SESN1: variants seen among roughly 807,000 people sequenced by gnomAD.
The protein encoded by SESN1 is sestrin 1, also known as sestrin-1.
A neutral mutation model predicts 59.3 loss-of-function variants in SESN1; 30 were observed. The observed-to-expected ratio is 0.51, with a 90% CI of 0.38 to 0.69. The LOEUF is 0.69. SESN1 is among the 30% of genes least tolerant of loss of function. The probability of loss-of-function intolerance (pLI) is 0.00; values close to 1 mark genes in which losing one functional copy is unlikely to be tolerated. For synonymous variants in SESN1, 197 were observed against 219.9 expected (o/e 0.90, Z 0.92); for missense variants, 566 against 673.0 (o/e 0.84, Z 1.76).
chr6:109,008,854 C>T (rs1384292679), intron 1 of SESN1: 2 of 985,620 alleles, frequency 2.0e-6, no homozygotes, highest in Non-Finnish European at 2.4e-6. Context: ...CAGGCAACAT[C>T]ATCTCTTCCC....
chr6:109,046,240 C>T (rs966054838), intron 1 of SESN1, among the ~76,000 whole-genome samples: 2 of 149,766 alleles, frequency 1.3e-5, no homozygotes, highest in African/African-American at 2.4e-5. Context: ...ATTGCAGGCA[C>T]GCGCCGCCAC....
Position 108,987,092 on chromosome 6 carries a change from T to G in SESN1, c.*452A>C, listed in dbSNP as rs9374061. The G allele has an allele frequency of 1.3e-5, 2 of 153,928 alleles. No individual in the cohort carries two copies. Among genetic ancestry groups the G allele is most frequent in the East Asian group, 3.8e-4 (2 of 5,232 alleles). The allele number at this position is 153,928 out of a possible 1,614,324, so 9.5% of individuals were successfully genotyped here. On this transcript the variant is annotated 3_prime_UTR_variant, in exon 10 of 10. Transcript: ENST00000436639. ...TAGCAATGTTCACTTTTATTACTAA[T>G]AGCTTAACTGAAACAGCCATCTATT... is the stretch of plus-strand genomic sequence containing the variant.
intron 1 of SESN1, among the ~76,000 whole-genome samples, chr6:109,072,693 A>G (rs1780958610): frequency 6.6e-6 from 1 of 152,232 alleles, no homozygotes; most frequent in Non-Finnish European, 1.5e-5. Flanking sequence ...TAATTATACA[A>G]TGACTGAACC....
intron 1 of SESN1, among the ~76,000 whole-genome samples, chr6:109,041,443 G>T (rs893886934): frequency 9.2e-5 from 14 of 152,046 alleles, no homozygotes; most frequent in Non-Finnish European, 1.9e-4. Context: ...CCACTAACAA[G>T]TAACTATTAA....
intron 1 of SESN1, among the ~76,000 whole-genome samples, chr6:109,057,683 T>C (rs1277476345): frequency 6.6e-6 from 1 of 152,232 alleles, no homozygotes; most frequent in Non-Finnish European, 1.5e-5. Context: ...TCCTAGTATT[T>C]AAAGGCAGTG....
chr6:109,049,200 T>TA lies in SESN1; in HGVS notation c.279+44594dup, dbSNP rs528005562. Reference sequence around the variant, plus strand: ...CACACAATGGAATACTACTCAGCCATAAAAAAGAAGGAATCCTGTCATTTA... The same window carrying TA: ...CACACAATGGAATACTACTCAGCCATAAAAAAAGAAGGAATCCTGTCATTTA... On this transcript the variant is annotated intron_variant, in intron 1 of 9. Transcript: ENST00000436639. Among the ~76,000 whole-genome samples, 32 of 152,064 alleles carry TA rather than the reference T, an allele frequency of 2.1e-4. No homozygotes were observed. In the East Asian group the frequency reaches 3.5e-3, roughly 17 times the overall value.
At chr6:109,008,982 T>C in intron 1 of SESN1, 1 of 1,011,228 alleles carries the variant, frequency 9.9e-7, no homozygotes, top group Non-Finnish European at 1.2e-6. Context: ...ATCCACAGGC[T>C]GTTTCACCCT....
At chr6:109,032,843 C>A (rs1448565346) in intron 1 of SESN1, among the ~76,000 whole-genome samples, 1 of 151,980 alleles carries the variant, frequency 6.6e-6, no homozygotes, top group Non-Finnish European at 1.5e-5. Flanking sequence ...TGCTTGAGGA[C>A]AATAGGCTGT....
chr6:109,023,275 C>T (rs1780039217), intron 1 of SESN1, among the ~76,000 whole-genome samples: 2 of 152,170 alleles, frequency 1.3e-5, no homozygotes, highest in African/African-American at 4.8e-5. Context: ...TGAAAACATT[C>T]TTCTCTCAGA....
At chr6:109,047,523 G>C (rs1365503932) in intron 1 of SESN1, among the ~76,000 whole-genome samples, 1 of 129,700 alleles carries the variant, frequency 7.7e-6, no homozygotes, top group South Asian at 3.0e-4. Context: ...GGTGAGGGGC[G>C]CCTCTGCCCG....
intron 1 of SESN1, among the ~76,000 whole-genome samples, chr6:109,029,954 C>A (rs1011508848): frequency 6.6e-6 from 1 of 152,198 alleles, no homozygotes; most frequent in African/African-American, 2.4e-5. Context: ...GGTTCTTAGA[C>A]ATTATTAACA....
chr6:109,051,103 C>G (rs1463508556), intron 1 of SESN1, among the ~76,000 whole-genome samples: 1 of 151,798 alleles, frequency 6.6e-6, no homozygotes, highest in Non-Finnish European at 1.5e-5. Flanking sequence ...TCCTAAACAA[C>G]TAATTTGCAA....
At chr6:108,999,740 T>TC (rs1369621561) in intron 4 of SESN1, among the ~76,000 whole-genome samples, 2 of 152,162 alleles carry the variant, frequency 1.3e-5, no homozygotes, top group African/African-American at 4.8e-5. Flanking sequence ...AACGTAGGCT[T>TC]ACCGTATTAT....
rs777690335 is a variant in SESN1 at position 109,000,553 on chromosome 6, A to G, written c.667T>C (p.Leu223=). The change falls in exon 4 of 10, where the codon TTA becomes CTA. Residue 223 remains leucine (L), a synonymous_variant. Coordinates refer to ENST00000436639, the MANE Select transcript of SESN1 (RefSeq NM_014454.3). Reference sequence around the variant, plus strand: ...GCTAACACTTTGTTAAGTTCTCCTAAATTCTGTAGTTTTTGAGGAGCATTC... The same window carrying G: ...GCTAACACTTTGTTAAGTTCTCCTAGATTCTGTAGTTTTTGAGGAGCATTC... The part of the protein sequence containing the change: ...LENAPQKLQN[L]GELNKVLAHR... 2 of 1,611,414 alleles carry G rather than the reference A, an allele frequency of 1.2e-6. No homozygotes were observed. Among genetic ancestry groups the G allele is most frequent in the South Asian group, 2.2e-5 (2 of 90,466 alleles).
chr6:109,064,641 AGAGGTGGGGTG>A (rs1780790912), intron 1 of SESN1, among the ~76,000 whole-genome samples: 1 of 6,516 alleles, frequency 1.5e-4, no homozygotes, highest in African/African-American at 6.8e-4. Flanking sequence ...AGGGGAGAGG[AGAGGTGGGGTG>A]GGGGAGAGGG....
rs182356592 is a variant in SESN1, at chr6:109,024,120, A to T, written c.280-21777T>A. Among the ~76,000 whole-genome samples, 34 of 149,908 alleles carry T rather than the reference A, an allele frequency of 2.3e-4. No homozygotes were observed. In the East Asian group the frequency reaches 2.3e-3, roughly 10 times the overall value. The stretch of plus-strand genomic sequence containing the variant: ...CAATCTCATGAATCTAGAACAAATT[A>T]AAAAAAAGATGTAAAATAGATGTCA... On this transcript the variant is annotated intron_variant, in intron 1 of 9. Transcript: ENST00000436639.
chr6:109,081,066 A>C (rs1219367895), intron 1 of SESN1, among the ~76,000 whole-genome samples: 1 of 152,144 alleles, frequency 6.6e-6, no homozygotes, highest in African/African-American at 2.4e-5. Context: ...TGAAATCTGA[A>C]ACACTTCTCG....
At position 109,001,011 on chromosome 6, in the gene SESN1, A is replaced by G. The variant is rs200536272; in HGVS notation, c.546+277T>C. ...ATTTACATCTTGAACAGGAAGCACC[A>G]CTTATGTCAATGTGAACTATTTATA... is the stretch of plus-strand genomic sequence containing the variant. On this transcript the variant is annotated intron_variant, in intron 3 of 9. Transcript: ENST00000436639. Among the ~76,000 whole-genome samples the G allele has an allele frequency of 9.2e-5, 14 of 152,330 alleles. No individual in the cohort carries two copies. The East Asian group carries it at 2.7e-3, about 29-fold the overall frequency.
At chr6:109,022,636 GA>G (rs1780030573) in intron 1 of SESN1, among the ~76,000 whole-genome samples, 1 of 151,568 alleles carries the variant, frequency 6.6e-6, no homozygotes, top group Admixed American at 6.6e-5. Context: ...GGATGGTCTC[GA>G]TCTCCTGACC....
Sources: allele counts gnomAD v4.1 joint callset (sites outside exome capture counted in the v4.1 genomes callset), GRCh38; gene constraint gnomAD v4.1.1; transcripts MANE v1.5; gene names NCBI Gene and HGNC (gene_info 2026-07-23, HGNC 2026-07-21).